The following GFPT1 variants were observed in gnomAD, a reference collection of about 807,000 sequenced individuals.
GFPT1 encodes glutamine--fructose-6-phosphate aminotransferase [isomerizing] 1.
A neutral mutation model predicts 92.0 loss-of-function variants in GFPT1; 40 were observed. That is an observed-to-expected ratio of 0.43 (90% CI 0.34 to 0.57). GFPT1 has a LOEUF of 0.57. Among genes scored for constraint, GFPT1 ranks in the 20% least tolerant of loss-of-function variants. GFPT1 has a pLI of 0.02. For missense variants in GFPT1, 448 were observed against 869.1 expected, an observed-to-expected ratio of 0.52 and a Z score of 6.09; for synonymous variants, 269 against 280.6, an observed-to-expected ratio of 0.96 and a Z score of 0.41.
rs1670416595 is a variant in GFPT1 at position 69,322,193 on chromosome 2, T to C, written c.*3996A>G. Reference sequence around the variant, plus strand: ...CTGCCTGGTATTCTTGTACACAAAATTTACTAAATATGTGAATATCATAAA... The same window carrying C: ...CTGCCTGGTATTCTTGTACACAAAACTTACTAAATATGTGAATATCATAAA... On this transcript the variant is annotated 3_prime_UTR_variant, in exon 20 of 20. Transcript: ENST00000357308. The C allele has an allele frequency of 6.6e-6, 1 of 151,792 alleles. No homozygotes were observed. Among genetic ancestry groups the C allele is most frequent in the African/African-American group, 2.4e-5 (1 of 41,392 alleles). The allele number at this position is 151,792 out of a possible 1,614,324, so 9.4% of individuals were successfully genotyped here.
intron 3 of GFPT1, among the ~76,000 whole-genome samples, chr2:69,366,780 C>T (rs1671620970): frequency 6.6e-6 from 1 of 152,138 alleles, no homozygotes; most frequent in South Asian, 2.1e-4. Context: ...AACTCCTTGC[C>T]TGTGCCTTGA....
At chr2:69,342,919 C>CT (rs1670987035) in intron 12 of GFPT1, among the ~76,000 whole-genome samples, 1 of 152,136 alleles carries the variant, frequency 6.6e-6, no homozygotes, top group Non-Finnish European at 1.5e-5. Context: ...AGTCAAAATG[C>CT]TTGATTGTTC....
At chr2:69,335,236 G>C (rs891962630) in intron 15 of GFPT1, among the ~76,000 whole-genome samples, 1 of 151,950 alleles carries the variant, frequency 6.6e-6, no homozygotes, top group Non-Finnish European at 1.5e-5. Context: ...TGAACTCTTA[G>C]CCTCAAGTGA....
intron 11 of GFPT1, among the ~76,000 whole-genome samples, 174 bp from the exon 12 acceptor site, chr2:69,346,173 A>G (rs577650725): frequency 9.8e-5 from 15 of 152,350 alleles, no homozygotes; most frequent in African/African-American, 3.1e-4. Context: ...GTGGAAAAAA[A>G]TAACAGTAAA....
In GFPT1 at chr2:69,348,269, TC is replaced by T; in HGVS notation, c.910del (p.Asp304MetfsTer32). On this transcript the variant is annotated frameshift_variant, in exon 11 of 20. Transcript: ENST00000357308. LOFTEE classifies it high-confidence loss of function. ...AATTCGATGGATAGAAAGACGTCCA[TC>T]CACTACTGCTGCAACATCATCATCT... is the stretch of plus-strand genomic sequence containing the variant. ...LEDDDVAAVV[D>X]GRLSIHRIKR... 6.2e-7 allele frequency: 1 copy of T among 1,612,854 alleles called. No homozygotes were observed. The highest frequency in any genetic ancestry group is 8.5e-7 in the Non-Finnish European group (1 of 1,178,820).
chr2:69,332,835 T>C (rs1238977146), intron 15 of GFPT1, among the ~76,000 whole-genome samples: 2 of 148,780 alleles, frequency 1.3e-5, no homozygotes, highest in Non-Finnish European at 3.0e-5. Context: ...ACTCTTCTCT[T>C]GATAAGGGAT....
intron 3 of GFPT1, 136 bp from the exon 4 acceptor site, chr2:69,363,806 T>C (rs949880512): frequency 6.9e-6 from 5 of 726,270 alleles, no homozygotes; most frequent in Admixed American, 6.7e-5. Context: ...TCAGGCATAT[T>C]CAAAATAGTG....
At chr2:69,384,789 G>GAAAGAAAGA (rs1204716506) in intron 1 of GFPT1, among the ~76,000 whole-genome samples, 1 of 148,784 alleles carries the variant, frequency 6.7e-6, no homozygotes, top group African/African-American at 2.5e-5. Context: ...AAGAAAGAAA[G>GAAAGAAAGA]AAAGAAAAGA....
At chr2:69,350,789 G>A (rs920467364) in intron 9 of GFPT1, among the ~76,000 whole-genome samples, 4 of 151,818 alleles carry the variant, frequency 2.6e-5, no homozygotes, top group African/African-American at 9.7e-5. Context: ...TATAATCCCA[G>A]CTACTTGGGA....
intron 1 of GFPT1, among the ~76,000 whole-genome samples, chr2:69,377,247 A>C (rs1453383619): frequency 6.6e-6 from 1 of 150,446 alleles, no homozygotes; most frequent in East Asian, 2.0e-4. Context: ...ATGCAATATT[A>C]AATTCACTGT....
chr2:69,327,112 G>A (rs751646704), intron 18 of GFPT1, 37 bp from the exon 19 acceptor site: 3 of 1,600,670 alleles, frequency 1.9e-6, no homozygotes, highest in Admixed American at 1.7e-5. Context: ...CAACATCACT[G>A]GTGGGCAAAG....
chr2:69,385,792 T>C lies in GFPT1; in HGVS notation c.7+1273A>G, dbSNP rs575569868. Among the ~76,000 whole-genome samples, 7 of 152,278 alleles carry C rather than the reference T, an allele frequency of 4.6e-5. No homozygotes were observed. The South Asian group carries it at 1.4e-3, about 32-fold the overall frequency. ...GATTCTGAAGTCAGCTCTACTCTAA[T>C]AATTTCAGTAAGCTATTTATAGGTG... On this transcript the variant is annotated intron_variant, in intron 1 of 19. Transcript: ENST00000357308.
chr2:69,368,034 A>G (rs747423849), intron 3 of GFPT1, among the ~76,000 whole-genome samples: 2 of 152,198 alleles, frequency 1.3e-5, no homozygotes, highest in Non-Finnish European at 2.9e-5. Context: ...GGATCGCCTG[A>G]GGTCAGGAGT....
At position 69,320,427 on chromosome 2, in the gene GFPT1, C is replaced by T. The variant is rs187793362; in HGVS notation, c.*5762G>A. Reference sequence around the variant, plus strand: ...ATACTTATCTCCATTTCAAAATATACAAAGCTGAGTGACAGAGGCAAAAAT... The same window carrying T: ...ATACTTATCTCCATTTCAAAATATATAAAGCTGAGTGACAGAGGCAAAAAT... On this transcript the variant is annotated 3_prime_UTR_variant, in exon 20 of 20. Coordinates refer to ENST00000357308, the MANE Select transcript of GFPT1 (RefSeq NM_001244710.2). 3 of 152,302 alleles carry T rather than the reference C, an allele frequency of 2.0e-5. No individual in the cohort carries two copies. The East Asian group carries it at 5.8e-4, about 29-fold the overall frequency. The allele number at this position is 152,302 out of a possible 1,614,324, so 9.4% of individuals were successfully genotyped here.
At chr2:69,350,720 T>A (rs1186833216) in intron 9 of GFPT1, among the ~76,000 whole-genome samples, 1 of 151,998 alleles carries the variant, frequency 6.6e-6, no homozygotes, top group African/African-American at 2.4e-5. Context: ...CTGGTCAACA[T>A]GGCGAAACCC....
At chr2:69,367,518 A>G (rs1259569935) in intron 3 of GFPT1, among the ~76,000 whole-genome samples, 1 of 151,932 alleles carries the variant, frequency 6.6e-6, no homozygotes, top group African/African-American at 2.4e-5. Flanking sequence ...ACGCCGCCAC[A>G]CCCGGCTAAT....
At chr2:69,342,306 A>G in intron 12 of GFPT1, 57 bp from the exon 13 acceptor site, 1 of 1,057,530 alleles carries the variant, frequency 9.5e-7, no homozygotes, top group Non-Finnish European at 1.5e-6. Context: ...GAACTAGGCA[A>G]TCGCATTTTG....
intron 4 of GFPT1, among the ~76,000 whole-genome samples, chr2:69,360,833 C>G (rs1671455507): frequency 6.6e-6 from 1 of 152,100 alleles, no homozygotes; most frequent in South Asian, 2.1e-4. Context: ...CTCTTGGGTT[C>G]CAGCGATTCT....
chr2:69,386,298 T>C (rs1448109289), intron 1 of GFPT1, among the ~76,000 whole-genome samples: 1 of 152,274 alleles, frequency 6.6e-6, no homozygotes, highest in African/African-American at 2.4e-5. Flanking sequence ...ATAGCTAGTA[T>C]TTTTAATGGA....
Sources: allele counts gnomAD v4.1 joint callset (sites outside exome capture counted in the v4.1 genomes callset), GRCh38; gene constraint gnomAD v4.1.1; transcripts MANE v1.5; gene names NCBI Gene and HGNC (gene_info 2026-07-23, HGNC 2026-07-21).